Variants in ARHGEF28 observed in about 807,000 individuals in gnomAD.
ARHGEF28 encodes 190 kDa guanine nucleotide exchange factor.
Under a neutral mutation model 206.6 loss-of-function variants are expected in ARHGEF28, and 152 were observed. That is an observed-to-expected ratio of 0.74 (90% CI 0.64 to 0.84). The LOEUF is 0.84. Ranked by LOEUF, ARHGEF28 falls within the 40% of genes least tolerant of loss-of-function variation. ARHGEF28 has a pLI of 0.00. For synonymous variants in ARHGEF28, 763 were observed against 776.4 expected (o/e 0.98, Z 0.29); for missense variants, 2,028 against 2,073.2 (o/e 0.98, Z 0.42).
rs35411118 is a variant in ARHGEF28 at position 73,835,469 on chromosome 5, C to CAAAA, written c.1146+3022_1146+3025dup. ...TGGGTGACAGAGCAAGACTCTGTCTCAAAAAAAAAAAAAAACCCAAAAGGA... is the reference window on the plus strand; with the variant it reads ...TGGGTGACAGAGCAAGACTCTGTCTCAAAAAAAAAAAAAAAAAAACCCAAAAGGA... On this transcript the variant is annotated intron_variant, in intron 10 of 35. Transcript: ENST00000513042. Among the ~76,000 whole-genome samples, 296 of 102,580 alleles carry CAAAA rather than the reference C, an allele frequency of 2.9e-3. 1 individual carries two copies. Among genetic ancestry groups the CAAAA allele is most frequent in the African/African-American group, 9.4e-3 (247 of 26,388 alleles). 67.3% of individuals were successfully genotyped at this position (102,580 alleles called of 152,430 possible). A position where few individuals can be genotyped will look rare whatever the true frequency, so the allele number is the denominator to read the frequency against.
intron 2 of ARHGEF28, among the ~76,000 whole-genome samples, chr5:73,727,167 C>T (rs6881728): frequency 1.6e-3 from 242 of 152,178 alleles, no homozygotes; most frequent in African/African-American, 5.5e-3. Flanking sequence ...TAATTGGAGC[C>T]GGTGAAATTC....
intron 1 of ARHGEF28, among the ~76,000 whole-genome samples, chr5:73,658,283 C>T (rs1004456095): frequency 6.6e-5 from 10 of 152,122 alleles, no homozygotes; most frequent in Admixed American, 2.0e-4. Flanking sequence ...TTGGCTGTTT[C>T]GCCCTGTGCT....
chr5:73,911,582 A>G lies in ARHGEF28; in HGVS notation c.4948+7A>G, dbSNP rs577256212. 1 of 1,577,514 alleles carries G rather than the reference A, an allele frequency of 6.3e-7. No individual in the cohort carries two copies. Among genetic ancestry groups the G allele is most frequent in the East Asian group, 2.3e-5 (1 of 43,656 alleles). On this transcript the variant is annotated splice_region_variant and intron_variant, in intron 35 of 35. Transcript: ENST00000513042. ...AAGGATTCTTGTAAAAATGGTAATT[A>G]ACACTTTAAACATCATCTGTATAGT... is the stretch of plus-strand genomic sequence containing the variant.
intron 35 of ARHGEF28, among the ~76,000 whole-genome samples, chr5:73,918,578 C>G (rs1763347706): frequency 6.6e-6 from 1 of 152,174 alleles, no homozygotes; most frequent in South Asian, 2.1e-4. Flanking sequence ...CAACTTTTCT[C>G]TTTCGCTTTT....
chr5:73,750,294 A>G (rs1409206310), intron 3 of ARHGEF28, among the ~76,000 whole-genome samples: 1 of 152,088 alleles, frequency 6.6e-6, no homozygotes, highest in Non-Finnish European at 1.5e-5. Context: ...TCTATTGAGT[A>G]TCACCTCCTA....
intron 7 of ARHGEF28, among the ~76,000 whole-genome samples, chr5:73,792,073 A>G (rs1231092241): frequency 6.6e-6 from 1 of 152,194 alleles, no homozygotes; most frequent in Non-Finnish European, 1.5e-5. Flanking sequence ...GCTCTAAGAT[A>G]TGGTTCTGTT....
chr5:73,918,558 T>C (rs1363879506), intron 35 of ARHGEF28, among the ~76,000 whole-genome samples: 1 of 152,258 alleles, frequency 6.6e-6, no homozygotes, highest in African/African-American at 2.4e-5. Context: ...TTACTGTCTC[T>C]GTAAAGAGAC....
intron 4 of ARHGEF28, among the ~76,000 whole-genome samples, chr5:73,762,342 G>C (rs528945485): frequency 1.3e-5 from 2 of 151,150 alleles, no homozygotes; most frequent in Non-Finnish European, 2.9e-5. Flanking sequence ...TGTAATCCCA[G>C]CTACTTGGGA....
At position 73,658,987 on chromosome 5, in the gene ARHGEF28, A is replaced by ACACGCG. The variant is rs1554051350; in HGVS notation, c.-11-25851_-11-25850insGCGCAC. 7.3e-5 allele frequency among the ~76,000 whole-genome samples: 11 copies of ACACGCG among 150,244 alleles called. No homozygotes were observed. The East Asian group carries it at 2.0e-3, about 27-fold the overall frequency. The stretch of plus-strand genomic sequence containing the variant: ...TACACACACACACACACACACACAC[A>ACACGCG]CACACACACACACACACACCACACT... On this transcript the variant is annotated intron_variant, in intron 1 of 35. Transcript: ENST00000513042.
At chr5:73,843,447 G>A (rs1315783868) in intron 11 of ARHGEF28, among the ~76,000 whole-genome samples, 2 of 152,178 alleles carry the variant, frequency 1.3e-5, no homozygotes, top group African/African-American at 2.4e-5. Flanking sequence ...GGAAAGCCCT[G>A]GGGTGGCTGT....
intron 35 of ARHGEF28, among the ~76,000 whole-genome samples, chr5:73,933,303 A>C (rs1185807097): frequency 6.6e-6 from 1 of 152,220 alleles, no homozygotes; most frequent in African/African-American, 2.4e-5. Flanking sequence ...GGCAAGAGCA[A>C]AGCCCATACC....
chr5:73,629,395 T>A (rs973569402), intron 1 of ARHGEF28, among the ~76,000 whole-genome samples: 4 of 151,758 alleles, frequency 2.6e-5, no homozygotes, highest in Non-Finnish European at 5.9e-5. Flanking sequence ...TAGTCCCAGC[T>A]ACTTGAGAGG....
intron 2 of ARHGEF28, among the ~76,000 whole-genome samples, chr5:73,687,053 C>T (rs1482569238): frequency 2.6e-5 from 4 of 152,110 alleles, no homozygotes; most frequent in South Asian, 2.1e-4. Context: ...ATTACCTACA[C>T]GTGTGTGACC....
intron 14 of ARHGEF28, 25 bp from the exon 15 acceptor site, chr5:73,857,630 CA>C (rs1759131550): frequency 6.4e-7 from 1 of 1,552,290 alleles, no homozygotes; most frequent in Admixed American, 2.0e-5. Flanking sequence ...TCATATGAGC[CA>C]TGATAACAGA....
chr5:73,810,483 T>G (rs980707870), intron 9 of ARHGEF28, among the ~76,000 whole-genome samples: 47 of 152,214 alleles, frequency 3.1e-4, no homozygotes, highest in African/African-American at 1.1e-3. Context: ...TTGTCTATAT[T>G]GCCCTGAAGT....
intron 29 of ARHGEF28, among the ~76,000 whole-genome samples, chr5:73,897,328 GT>G (rs1455021405): frequency 2.0e-5 from 3 of 152,128 alleles, no homozygotes; most frequent in African/African-American, 7.2e-5. Flanking sequence ...CCTCCAATCT[GT>G]AAACTCCCCT....
At chr5:73,913,880 T>C (rs1009219201) in intron 35 of ARHGEF28, among the ~76,000 whole-genome samples, 1 of 152,242 alleles carries the variant, frequency 6.6e-6, no homozygotes, top group Non-Finnish European at 1.5e-5. Context: ...GGCCATAACG[T>C]CTGCCGTTCC....
chr5:73,724,844 C>G (rs1750179861), intron 2 of ARHGEF28, among the ~76,000 whole-genome samples: 1 of 152,180 alleles, frequency 6.6e-6, no homozygotes, highest in Non-Finnish European at 1.5e-5. Flanking sequence ...ACAAATAGAG[C>G]TGCCATAACC....
At chr5:73,802,493 A>G (rs561593727) in intron 9 of ARHGEF28, among the ~76,000 whole-genome samples, 6 of 152,304 alleles carry the variant, frequency 3.9e-5, no homozygotes, top group African/African-American at 4.8e-5. Flanking sequence ...TCTGAACTCT[A>G]AATTTTCCTT....
Sources: gnomAD v4.1 joint callset for allele counts (sites outside exome capture counted in the v4.1 genomes callset) on GRCh38, gnomAD v4.1.1 for gene constraint, MANE v1.5 for transcripts, NCBI Gene and HGNC (gene_info 2026-07-23, HGNC 2026-07-21) for gene names.